TBC1D15: variants seen among roughly 807,000 people sequenced by gnomAD.
TBC1D15 encodes TBC1 domain family member 15, also known as GAP for RAB7.
In TBC1D15, 39 loss-of-function variants were observed where a neutral mutation model predicts 95.4. The observed-to-expected ratio is 0.41, with a 90% CI of 0.32 to 0.53. The LOEUF (loss-of-function observed/expected upper bound fraction) is 0.53. Ranked by LOEUF, TBC1D15 falls within the 20% of genes least tolerant of loss-of-function variation. The pLI is 0.29. For synonymous variants in TBC1D15, 258 were observed against 261.3 expected (o/e 0.99, Z 0.12); for missense variants, 733 against 794.3 (o/e 0.92, Z 0.93).
At chr12:71,908,531 T>G (rs1041278000) in intron 11 of TBC1D15, among the ~76,000 whole-genome samples, 7 of 152,214 alleles carry the variant, frequency 4.6e-5, no homozygotes, top group Non-Finnish European at 7.3e-5. Context: ...TATGTAAATT[T>G]CTCTTGGTTT....
chr12:71,874,324 T>G (rs1226866746), intron 3 of TBC1D15, among the ~76,000 whole-genome samples: 1 of 152,220 alleles, frequency 6.6e-6, no homozygotes. Flanking sequence ...TTAATTTATG[T>G]TTTCCTAATG....
chr12:71,912,191 C>A (rs1018699305), intron 11 of TBC1D15, among the ~76,000 whole-genome samples: 10 of 152,146 alleles, frequency 6.6e-5, no homozygotes, highest in Admixed American at 6.5e-5. Flanking sequence ...AGTCTTCCAT[C>A]TATCTTATTC....
intron 11 of TBC1D15, among the ~76,000 whole-genome samples, chr12:71,909,589 G>A (rs1901673089): frequency 6.6e-6 from 1 of 152,128 alleles, no homozygotes. Flanking sequence ...AATGATTTCT[G>A]ATCCTCAAGA....
intron 1 of TBC1D15, chr12:71,861,585 A>C (rs1367309342): frequency 8.1e-7 from 1 of 1,235,978 alleles, no homozygotes; most frequent in African/African-American, 1.6e-5. Context: ...GGGTCTTTTC[A>C]CTTTTTTTCT....
intron 5 of TBC1D15, among the ~76,000 whole-genome samples, chr12:71,889,127 G>GC: frequency 6.6e-6 from 1 of 152,300 alleles, no homozygotes; most frequent in Non-Finnish European, 1.5e-5. Flanking sequence ...GAGCCTAAGT[G>GC]ATTAATTGCA....
At chr12:71,845,333 A>C (rs920331730) in intron 1 of TBC1D15, among the ~76,000 whole-genome samples, 2 of 152,222 alleles carry the variant, frequency 1.3e-5, no homozygotes, top group African/African-American at 4.8e-5. Flanking sequence ...TGACTAGATC[A>C]GAAGAAGAGA....
chr12:71,878,289 A>G (rs935039073), intron 3 of TBC1D15, among the ~76,000 whole-genome samples: 1 of 152,162 alleles, frequency 6.6e-6, no homozygotes, highest in Non-Finnish European at 1.5e-5. Flanking sequence ...CCAAAACTCC[A>G]GCCTTTTGGA....
intron 1 of TBC1D15, among the ~76,000 whole-genome samples, chr12:71,857,134 G>C (rs942343704): frequency 9.9e-5 from 15 of 151,488 alleles, no homozygotes; most frequent in East Asian, 3.9e-4. Context: ...AGATGGGGGT[G>C]GGGGGGCATC....
intron 5 of TBC1D15, among the ~76,000 whole-genome samples, chr12:71,891,868 C>T (rs1212622073): frequency 6.6e-6 from 1 of 151,994 alleles, no homozygotes; most frequent in Non-Finnish European, 1.5e-5. Context: ...CCTATTTGTT[C>T]CTCTTTTATA....
rs144898710 is a variant in TBC1D15 at position 71,907,072 on chromosome 12, G to A, written c.1234G>A (p.Asp412Asn). The part of the protein sequence containing the change: ...DRTNKFYEGQ[D>N]NPGLILLHDI... ...AACAAACAAGTTTTATGAAGGCCAA[G>A]ATAATCCAGGGTTGATTTTACTTCA... The change falls in exon 11 of 17, where the codon GAT becomes AAT. Residue 412 changes from aspartate (D) to asparagine (N), a missense_variant. Coordinates refer to ENST00000485960, the MANE Select transcript of TBC1D15 (RefSeq NM_001146213.3). The A allele has an allele frequency of 5.0e-5, 81 of 1,612,212 alleles. 1 individual carries two copies. The African/African-American group carries it at 9.6e-4, about 19-fold the overall frequency.
chr12:71,880,697 G>C (rs369099863), intron 4 of TBC1D15, 90 bp downstream of exon 4: 1 of 1,356,296 alleles, frequency 7.4e-7, no homozygotes. Context: ...ATGCTCCTCA[G>C]TGAGAAGGAT....
chr12:71,887,812 G>A (rs1896527508), intron 5 of TBC1D15, among the ~76,000 whole-genome samples: 1 of 152,220 alleles, frequency 6.6e-6, no homozygotes, highest in Non-Finnish European at 1.5e-5. Flanking sequence ...CTGAAGGATA[G>A]GGATTGTATC....
chr12:71,893,705 G>C (rs1897627802), intron 6 of TBC1D15, among the ~76,000 whole-genome samples: 1 of 151,854 alleles, frequency 6.6e-6, no homozygotes, highest in African/African-American at 2.4e-5. Flanking sequence ...AATTTAAGTA[G>C]ATTGTTTTGA....
intron 16 of TBC1D15, among the ~76,000 whole-genome samples, chr12:71,922,428 A>C (rs1000957311): frequency 6.6e-6 from 1 of 151,874 alleles, no homozygotes; most frequent in Non-Finnish European, 1.5e-5. Flanking sequence ...TCTAGGGTAC[A>C]TGTGCACAAC....
intron 1 of TBC1D15, among the ~76,000 whole-genome samples, chr12:71,855,598 G>A (rs1190003225): frequency 6.8e-5 from 10 of 147,902 alleles, no homozygotes; most frequent in Non-Finnish European, 3.0e-5. Context: ...AACCCGGGAG[G>A]CAGAGCTTGC....
intron 1 of TBC1D15, among the ~76,000 whole-genome samples, chr12:71,848,324 C>G (rs1405830292): frequency 1.3e-5 from 2 of 152,094 alleles, no homozygotes; most frequent in Non-Finnish European, 2.9e-5. Context: ...TATGAAAGTT[C>G]CAGTTGCTTC....
intron 16 of TBC1D15, among the ~76,000 whole-genome samples, chr12:71,922,283 C>A (rs2139133711): frequency 6.6e-6 from 1 of 152,302 alleles, no homozygotes; most frequent in East Asian, 1.9e-4. Context: ...CGAGGTTTCA[C>A]CATGTTGGCC....
intron 10 of TBC1D15, among the ~76,000 whole-genome samples, chr12:71,902,452 A>G (rs1221535746): frequency 1.3e-5 from 2 of 152,246 alleles, no homozygotes; most frequent in African/African-American, 4.8e-5. Flanking sequence ...GATCTTCGAC[A>G]GAGCTGACAA....
At chr12:71,886,117 T>A (rs1033615484) in intron 5 of TBC1D15, among the ~76,000 whole-genome samples, 1 of 152,092 alleles carries the variant, frequency 6.6e-6, no homozygotes, top group Non-Finnish European at 1.5e-5. Flanking sequence ...TTGTGATGGA[T>A]TGGATATATG....
Sources: allele counts gnomAD v4.1 joint callset (sites outside exome capture counted in the v4.1 genomes callset), GRCh38; gene constraint gnomAD v4.1.1; transcripts MANE v1.5; gene names NCBI Gene and HGNC (gene_info 2026-07-23, HGNC 2026-07-21).